NBEAL1: variants seen among roughly 807,000 people sequenced by gnomAD.
NBEAL1 encodes neurobeachin like 1.
Under a neutral mutation model 351.3 loss-of-function variants are expected in NBEAL1, and 273 were observed. The ratio of observed to expected loss-of-function variants is 0.78; its 90% CI spans 0.70 to 0.86. The LOEUF (loss-of-function observed/expected upper bound fraction) is 0.86. NBEAL1 is among the 40% of genes least tolerant of loss of function. The pLI is 0.00. For synonymous variants in NBEAL1, 1,050 were observed against 1,086.4 expected (o/e 0.97, Z 0.66); for missense variants, 2,961 against 3,201.3 (o/e 0.92, Z 1.81).
intron 4 of NBEAL1, among the ~76,000 whole-genome samples, chr2:203,051,168 C>G (rs1011216999): frequency 6.6e-6 from 1 of 152,178 alleles, no homozygotes. Context: ...AATTTATGCT[C>G]TCCCAGAGCC....
intron 10 of NBEAL1, among the ~76,000 whole-genome samples, chr2:203,095,372 G>A (rs1574961837): frequency 6.6e-6 from 1 of 151,512 alleles, no homozygotes; most frequent in African/African-American, 2.4e-5. Context: ...TCGGCTCACC[G>A]CAACCTCCAC....
intron 43 of NBEAL1, chr2:203,183,070 C>T (rs886293282): frequency 3.1e-6 from 1 of 327,304 alleles, no homozygotes; most frequent in South Asian, 9.8e-5. Flanking sequence ...TTTTGCTTAA[C>T]AACTTAATTC....
intron 36 of NBEAL1, 107 bp downstream of exon 36, chr2:203,157,932 T>C: frequency 2.3e-6 from 2 of 855,090 alleles, no homozygotes; most frequent in Non-Finnish European, 3.3e-6. Flanking sequence ...GGTCCAACAG[T>C]TAATGCTGTA....
At chr2:203,136,381 A>G (rs1341861192) in intron 28 of NBEAL1, 129 bp downstream of exon 28, 4 of 845,488 alleles carry the variant, frequency 4.7e-6, no homozygotes, top group Non-Finnish European at 7.0e-6. Context: ...TCATGATCTA[A>G]GGTTTAGAAA....
rs969691510 is a variant in NBEAL1, at chr2:203,207,037, T to C, written c.7507-1600T>C. ...AGGAGCGTCTCTGTCCGGCCGCCCA[T>C]CATCTGAGATGTGGGGAGCGCCTCT... On this transcript the variant is annotated intron_variant, in intron 51 of 55. Coordinates refer to ENST00000683969, the MANE Select transcript of NBEAL1 (RefSeq NM_001378026.1). 7.9e-4 allele frequency among the ~76,000 whole-genome samples: 116 copies of C among 147,654 alleles called. 1 individual carries two copies. The highest frequency in any genetic ancestry group is 7.2e-3 in the Middle Eastern group (2 of 278).
chr2:203,205,346 C>T (rs1276137230), intron 51 of NBEAL1, among the ~76,000 whole-genome samples: 1 of 152,072 alleles, frequency 6.6e-6, no homozygotes, highest in Non-Finnish European at 1.5e-5. Context: ...TGTTCCTTTA[C>T]CCCTAAATAG....
chr2:203,130,933 T>TCTGATCTCTCTGGACTCAGAGAGA (rs2063057819), intron 25 of NBEAL1, among the ~76,000 whole-genome samples: 1 of 152,216 alleles, frequency 6.6e-6, no homozygotes, highest in South Asian at 2.1e-4. Flanking sequence ...GATCAGTAAC[T>TCTGATCTCTCTGGACTCAGAGAGA]TATAAAATAA....
intron 41 of NBEAL1, among the ~76,000 whole-genome samples, 159 bp from the exon 42 acceptor site, chr2:203,174,988 T>C (rs2064453964): frequency 6.6e-6 from 1 of 152,154 alleles, no homozygotes; most frequent in South Asian, 2.1e-4. Context: ...TTTCGTTTTC[T>C]AGTATGGTAT....
At chr2:203,117,135 T>C (rs903910329) in intron 18 of NBEAL1, among the ~76,000 whole-genome samples, 3 of 149,668 alleles carry the variant, frequency 2.0e-5, no homozygotes, top group African/African-American at 7.4e-5. Flanking sequence ...ATTATTATCA[T>C]GCACAAGCTG....
chr2:203,207,953 A>G (rs1220619785), intron 51 of NBEAL1, among the ~76,000 whole-genome samples: 1 of 152,230 alleles, frequency 6.6e-6, no homozygotes, highest in East Asian at 1.9e-4. Context: ...GCATAAAGAT[A>G]ATTGATGTCC....
At chr2:203,213,849 A>G in intron 55 of NBEAL1, 196 bp downstream of exon 55, 3 of 928,560 alleles carry the variant, frequency 3.2e-6, no homozygotes, top group Non-Finnish European at 3.9e-6. Flanking sequence ...TTGAAAGCCC[A>G]CCTTTGGCAA....
intron 6 of NBEAL1, among the ~76,000 whole-genome samples, chr2:203,064,051 TTTTG>T (rs900804546): frequency 6.6e-6 from 1 of 152,004 alleles, no homozygotes; most frequent in Non-Finnish European, 1.5e-5. Flanking sequence ...TGTATGGTTT[TTTTG>T]TTTGTTTGTT....
At chr2:203,033,201 A>C (rs539703695) in intron 2 of NBEAL1, among the ~76,000 whole-genome samples, 32 of 149,166 alleles carry the variant, frequency 2.1e-4, no homozygotes, top group African/African-American at 7.9e-4. Flanking sequence ...GAGGTTTCAC[A>C]GTGTTAGCCA....
intron 8 of NBEAL1, among the ~76,000 whole-genome samples, chr2:203,082,024 C>T (rs2061883240): frequency 6.6e-6 from 1 of 152,176 alleles, no homozygotes; most frequent in Non-Finnish European, 1.5e-5. Flanking sequence ...ATAGTTGAGG[C>T]TGCAGTGAAC....
intron 17 of NBEAL1, among the ~76,000 whole-genome samples, chr2:203,115,503 T>A (rs879532530): frequency 6.6e-5 from 10 of 152,164 alleles, no homozygotes; most frequent in Non-Finnish European, 1.5e-4. Context: ...TGGCGCAATC[T>A]CAGATCACTG....
At chr2:203,031,326 C>A (rs1295210936) in intron 2 of NBEAL1, among the ~76,000 whole-genome samples, 3 of 152,140 alleles carry the variant, frequency 2.0e-5, no homozygotes, top group Non-Finnish European at 4.4e-5. Context: ...TGTGATCGTT[C>A]CTATGGTAAT....
intron 36 of NBEAL1, among the ~76,000 whole-genome samples, chr2:203,161,830 C>T (rs941041560): frequency 4.6e-5 from 7 of 151,704 alleles, no homozygotes; most frequent in Non-Finnish European, 8.8e-5. Context: ...CAGACCCTAT[C>T]TCTAAAATAA....
chr2:203,144,067 C>T (rs541945117), intron 31 of NBEAL1, among the ~76,000 whole-genome samples: 4 of 151,690 alleles, frequency 2.6e-5, no homozygotes, highest in African/African-American at 7.3e-5. Context: ...AAAAATTAGC[C>T]GGACATGGTG....
chr2:203,144,725 G>A lies in NBEAL1; in HGVS notation c.4974G>A (p.Gln1658=). ...EHVLSQSIKE[Q]TEIYSFLIPL... is the part of the protein sequence containing the mutation. ...TTCTAAGTCAATCAATCAAGGAACAGACTGAAATCTACTCATTTCTGATTC... is the reference window on the plus strand; with the variant it reads ...TTCTAAGTCAATCAATCAAGGAACAAACTGAAATCTACTCATTTCTGATTC... Residue 1658 remains glutamine, a synonymous_variant, in exon 32 of 56, where the codon CAG becomes CAA. Coordinates refer to ENST00000683969, the MANE Select transcript of NBEAL1 (RefSeq NM_001378026.1). The A allele has an allele frequency of 1.2e-6, 2 of 1,614,162 alleles. No individual in the cohort carries two copies. Among genetic ancestry groups the A allele is most frequent in the South Asian group, 1.1e-5 (1 of 91,088 alleles).
Sources: allele counts gnomAD v4.1 joint callset (sites outside exome capture counted in the v4.1 genomes callset), GRCh38; gene constraint gnomAD v4.1.1; transcripts MANE v1.5; gene names NCBI Gene and HGNC (gene_info 2026-07-23, HGNC 2026-07-21).